Variants in SLC23A2 observed in about 807,000 individuals in gnomAD.
The protein encoded by SLC23A2 is Na(+)/L-ascorbic acid transporter 2.
A neutral mutation model predicts 73.3 loss-of-function variants in SLC23A2; 36 were observed. The observed-to-expected ratio is 0.49, with a 90% CI of 0.38 to 0.65. The LOEUF (loss-of-function observed/expected upper bound fraction) is 0.65, where lower values mean the gene tolerates loss of function less well. SLC23A2 is among the 30% of genes least tolerant of loss of function. The probability of loss-of-function intolerance (pLI) is 0.00; values close to 1 mark genes in which losing one functional copy is unlikely to be tolerated. For synonymous variants in SLC23A2, 343 were observed against 327.3 expected (o/e 1.05, Z -0.52); for missense variants, 507 against 841.6 (o/e 0.60, Z 4.92).
chr20:4,885,493 G>A (rs1931061530), intron 7 of SLC23A2, among the ~76,000 whole-genome samples: 1 of 152,226 alleles, frequency 6.6e-6, no homozygotes, highest in African/African-American at 2.4e-5. Context: ...GTGATTACTG[G>A]TGGGTCATAA....
chr20:4,993,007 A>T (rs1457138970), intron 1 of SLC23A2, among the ~76,000 whole-genome samples: 1 of 151,302 alleles, frequency 6.6e-6, no homozygotes, highest in African/African-American at 2.4e-5. Context: ...AGCCTGGCGC[A>T]GTGGCTCATG....
intron 3 of SLC23A2, among the ~76,000 whole-genome samples, chr20:4,926,500 A>AT (rs1409353766): frequency 8.0e-6 from 1 of 125,012 alleles, no homozygotes; most frequent in Non-Finnish European, 1.7e-5. Flanking sequence ...GTTCATCAGA[A>AT]TTTTTTTTGC....
intron 1 of SLC23A2, among the ~76,000 whole-genome samples, chr20:5,000,533 TAGA>T (rs2088101644): frequency 6.6e-6 from 1 of 152,120 alleles, no homozygotes; most frequent in Admixed American, 6.5e-5. Context: ...ACTGCAAGAA[TAGA>T]AGTAGCACCT....
At chr20:5,004,709 A>G (rs987811485), upstream of SLC23A2, among the ~76,000 whole-genome samples, 5 of 152,284 alleles carry the variant, frequency 3.3e-5, no homozygotes, top group Admixed American at 2.6e-4. Context: ...TTAATTAATT[A>G]AAAGTTTAGG....
upstream of SLC23A2, among the ~76,000 whole-genome samples, chr20:5,002,841 C>T (rs991048159): frequency 6.6e-6 from 1 of 152,292 alleles, no homozygotes; most frequent in Non-Finnish European, 1.5e-5. Flanking sequence ...GATCCCCCAA[C>T]CTTGGCCTCC....
At chr20:4,958,517 A>G (rs1009047539) in intron 2 of SLC23A2, among the ~76,000 whole-genome samples, 1 of 152,152 alleles carries the variant, frequency 6.6e-6, no homozygotes, top group African/African-American at 2.4e-5. Flanking sequence ...AACAAAATAC[A>G]TTTATCTAAT....
At chr20:4,972,006 C>T (rs560751924) in intron 1 of SLC23A2, among the ~76,000 whole-genome samples, 1 of 152,162 alleles carries the variant, frequency 6.6e-6, no homozygotes, top group Non-Finnish European at 1.5e-5. Context: ...AGCAGGTACA[C>T]AGATGTTTCT....
Position 4,867,842 on chromosome 20 carries a change from A to G in SLC23A2, c.1284T>C (p.Leu428=). The change falls in exon 13 of 17, where the codon CTT becomes CTC. Residue 428 remains leucine (L), a synonymous_variant. Transcript: ENST00000338244. ...GIFVEGLSCV[L]DGIFGTGNGS... ...CATTCCCAGTACCAAATATGCCATC[A>G]AGAACACAGGAGAGGCCTTCCACGA... The G allele has an allele frequency of 6.2e-7, 1 of 1,611,290 alleles. No individual in the cohort carries two copies. The highest frequency in any genetic ancestry group is 8.5e-7 in the Non-Finnish European group (1 of 1,177,580).
chr20:4,972,701 T>C (rs1020294743), intron 1 of SLC23A2, among the ~76,000 whole-genome samples: 2 of 152,118 alleles, frequency 1.3e-5, no homozygotes, highest in African/African-American at 4.8e-5. Flanking sequence ...TTCTCTTGCC[T>C]CAGCCTCCCG....
At chr20:4,932,754 T>A (rs552054240) in intron 2 of SLC23A2, 38 bp from the exon 3 acceptor site, 1 of 566,046 alleles carries the variant, frequency 1.8e-6, no homozygotes, top group African/African-American at 1.9e-5. Flanking sequence ...CCCCAAAGCA[T>A]GAAAACAACA....
At chr20:4,920,201 C>T (rs1393002189) in intron 3 of SLC23A2, among the ~76,000 whole-genome samples, 1 of 152,186 alleles carries the variant, frequency 6.6e-6, no homozygotes, top group Non-Finnish European at 1.5e-5. Context: ...GCAGAGGTTG[C>T]AATGAGCCGA....
At chr20:4,956,206 A>G (rs1361407042) in intron 2 of SLC23A2, among the ~76,000 whole-genome samples, 1 of 152,148 alleles carries the variant, frequency 6.6e-6, no homozygotes, top group East Asian at 1.9e-4. Flanking sequence ...TTAATTCCAC[A>G]TTTGGAATCA....
intron 11 of SLC23A2, among the ~76,000 whole-genome samples, chr20:4,871,319 T>G (rs71333976): frequency 0.024 from 3,679 of 151,856 alleles, 59 homozygotes; most frequent in Non-Finnish European, 0.035. Context: ...GAAGCACCAG[T>G]GAGGTGGTCA....
At chr20:4,918,724 C>T (rs982855884) in intron 3 of SLC23A2, among the ~76,000 whole-genome samples, 1 of 152,084 alleles carries the variant, frequency 6.6e-6, no homozygotes, top group Non-Finnish European at 1.5e-5. Flanking sequence ...AAGCGGAGGG[C>T]ACTAGCACCT....
rs1600067307 is a variant in SLC23A2 at position 4,856,731 on chromosome 20, ACCATGG to A, written c.*235_*240del. ...GAGGACTGGAACTTCAAATTTAGTG[ACCATGG>A]CCAGCAATGGACACTCTCAAAGGGC... On this transcript the variant is annotated 3_prime_UTR_variant, in exon 17 of 17. Transcript: ENST00000338244. The surrounding 1 kb of genome is among the most constrained non-coding windows in gnomAD (Gnocchi z 4.6). 2.2e-6 allele frequency: 1 copy of A among 462,430 alleles called. No individual in the cohort carries two copies. Among genetic ancestry groups the A allele is most frequent in the East Asian group, 3.7e-5 (1 of 27,194 alleles). 28.6% of individuals were successfully genotyped at this position (462,430 alleles called of 1,614,324 possible). A position where few individuals can be genotyped will look rare whatever the true frequency, so the allele number is the denominator to read the frequency against.
intron 3 of SLC23A2, among the ~76,000 whole-genome samples, chr20:4,917,646 T>A (rs1932371527): frequency 1.3e-5 from 2 of 152,198 alleles, no homozygotes; most frequent in Admixed American, 6.5e-5. Context: ...ACTACTGACC[T>A]AGAAAACCTA....
intron 2 of SLC23A2, among the ~76,000 whole-genome samples, chr20:4,959,219 CAA>C (rs34519143): frequency 1.3e-4 from 15 of 113,562 alleles, no homozygotes; most frequent in Non-Finnish European, 1.2e-4. Context: ...AACTCTGTCT[CAA>C]AAAAAAAAAA....
chr20:4,858,982 T>C (rs989651035), intron 16 of SLC23A2, among the ~76,000 whole-genome samples: 6 of 152,212 alleles, frequency 3.9e-5, no homozygotes, highest in African/African-American at 9.6e-5. Flanking sequence ...TGGCACAGGC[T>C]GTGCAGGGGG....
rs1337592658 is a variant in SLC23A2, at chr20:4,947,394, T to G, written c.-154-14678A>C. Among the ~76,000 whole-genome samples the G allele has an allele frequency of 6.6e-6, 1 of 152,252 alleles. No individual in the cohort carries two copies. Among genetic ancestry groups the G allele is most frequent in the Admixed American group, 6.5e-5 (1 of 15,290 alleles). ...AGAACAAAGATGAGTTTTATTGCAT[T>G]TATTTCTACTACGTGATTTAACACA... On this transcript the variant is annotated intron_variant, in intron 2 of 16. Coordinates refer to ENST00000338244, the MANE Select transcript of SLC23A2 (RefSeq NM_005116.6). This position sits in a 1 kb window ranked among gnomAD's most constrained non-coding sequence, Gnocchi z 4.4.
Sources: gnomAD v4.1 joint callset for allele counts (sites outside exome capture counted in the v4.1 genomes callset) on GRCh38, gnomAD v4.1.1 for gene constraint, Gnocchi (gnomAD v3.1) non-coding constraint, MANE v1.5 for transcripts, NCBI Gene and HGNC (gene_info 2026-07-23, HGNC 2026-07-21) for gene names.